NTN4: variants seen among roughly 807,000 people sequenced by gnomAD.
NTN4 encodes the protein netrin 4, also known as netrin-4.
In NTN4, 32 loss-of-function variants were observed where a neutral mutation model predicts 73.6. The observed-to-expected ratio is 0.44, with a 90% CI of 0.33 to 0.58. NTN4 has a LOEUF of 0.58. Among genes scored for constraint, NTN4 ranks in the 20% least tolerant of loss-of-function variants. The pLI, the probability that NTN4 is intolerant of heterozygous loss-of-function variation, is 0.04. For synonymous variants in NTN4, 258 were observed against 287.5 expected (o/e 0.90, Z 1.04); for missense variants, 654 against 798.3 (o/e 0.82, Z 2.18).
At chr12:95,737,229 C>T (rs1048661590) in intron 3 of NTN4, among the ~76,000 whole-genome samples, 1 of 152,162 alleles carries the variant, frequency 6.6e-6, no homozygotes, top group Non-Finnish European at 1.5e-5. Context: ...CAAACACCTA[C>T]TGAGCACCTA....
chr12:95,752,506 T>A (rs2078917095), intron 2 of NTN4, among the ~76,000 whole-genome samples: 1 of 151,660 alleles, frequency 6.6e-6, no homozygotes, highest in African/African-American at 2.4e-5. Flanking sequence ...GCTCAGCAAG[T>A]TACCTAGGCT....
intron 2 of NTN4, among the ~76,000 whole-genome samples, chr12:95,745,652 GT>G (rs1238608162): frequency 6.6e-6 from 1 of 152,014 alleles, no homozygotes; most frequent in African/African-American, 2.4e-5. Flanking sequence ...CTATTGATTT[GT>G]TTTTCTTTTT....
chr12:95,778,057 G>A (rs1038192265), intron 2 of NTN4, among the ~76,000 whole-genome samples: 2 of 152,160 alleles, frequency 1.3e-5, no homozygotes, highest in African/African-American at 4.8e-5. Flanking sequence ...GTTCCTGAAT[G>A]ACTACTGGGT....
rs77432992 is a variant in NTN4 at position 95,774,491 on chromosome 12, T to C, written c.585+12448A>G. Among the ~76,000 whole-genome samples, 700 of 152,350 alleles carry C rather than the reference T, an allele frequency of 4.6e-3. 8 individuals carry two copies. Among genetic ancestry groups the C allele is most frequent in the African/African-American group, 0.016 (664 of 41,570 alleles). On this transcript the variant is annotated intron_variant, in intron 2 of 9. Coordinates refer to ENST00000343702, the MANE Select transcript of NTN4 (RefSeq NM_021229.4). ...ACTACTGCTACTGTGGAGATAGGCA[T>C]GAACAGATTTCGCCAGTTGAAGACT...
chr12:95,715,809 T>G (rs533794465), intron 3 of NTN4, among the ~76,000 whole-genome samples: 1 of 152,254 alleles, frequency 6.6e-6, no homozygotes, highest in Admixed American at 6.5e-5. Context: ...TCTCTCATCA[T>G]GAAAAAATAT....
chr12:95,711,356 T>C (rs1592679394), intron 4 of NTN4, among the ~76,000 whole-genome samples: 1 of 152,354 alleles, frequency 6.6e-6, no homozygotes, highest in South Asian at 2.1e-4. Context: ...ACCAGTTTTT[T>C]ACCCTCTCTT....
At chr12:95,673,244 C>T (rs2078247999) in intron 7 of NTN4, 1 of 390,468 alleles carries the variant, frequency 2.6e-6, no homozygotes, top group South Asian at 2.1e-5. Flanking sequence ...CCTGCACCCA[C>T]TCCCTTCATT....
chr12:95,695,770 G>A (rs1255241709), intron 5 of NTN4, among the ~76,000 whole-genome samples: 1 of 151,962 alleles, frequency 6.6e-6, no homozygotes, highest in Non-Finnish European at 1.5e-5. Context: ...TTATTCCTGG[G>A]TATATCTAAG....
intron 7 of NTN4, among the ~76,000 whole-genome samples, chr12:95,678,426 A>G (rs965930718): frequency 2.0e-5 from 3 of 152,220 alleles, no homozygotes; most frequent in East Asian, 1.9e-4. Context: ...AGATTACAGG[A>G]GGAAAACCAT....
intron 4 of NTN4, among the ~76,000 whole-genome samples, chr12:95,711,114 G>A (rs895409868): frequency 5.9e-5 from 9 of 151,970 alleles, no homozygotes; most frequent in Admixed American, 2.0e-4. Flanking sequence ...ATCTAGCCTC[G>A]GCCTCCCCAT....
At position 95,737,929 on chromosome 12, in the gene NTN4, G is replaced by A. The variant is rs777813478; in HGVS notation, c.801C>T (p.His267=). 4.3e-5 allele frequency: 70 copies of A among 1,613,988 alleles called. No individual in the cohort carries two copies. Among genetic ancestry groups the A allele is most frequent in the South Asian group, 1.1e-4 (10 of 91,080 alleles). The part of the protein sequence containing the change: ...IVKGSCFCNG[H]ADQCIPVHGF... ...CATGAACAGGTATGCATTGATCAGC[G>A]TGGCCATTGCAGAAGCAGCTGCCCT... Residue 267 remains histidine, a synonymous_variant, in exon 3 of 10, where the codon CAC becomes CAT. Coordinates refer to ENST00000343702, the MANE Select transcript of NTN4 (RefSeq NM_021229.4).
At chr12:95,676,024 C>A (rs1279736772) in intron 7 of NTN4, among the ~76,000 whole-genome samples, 1 of 152,158 alleles carries the variant, frequency 6.6e-6, no homozygotes, top group Non-Finnish European at 1.5e-5. Context: ...GAAATGAATC[C>A]AAGTTGCCCT....
At chr12:95,769,751 C>CTTTTTTTTTTTTTTTTTTTTTTTTTTTTT in intron 2 of NTN4, among the ~76,000 whole-genome samples, 1 of 117,120 alleles carries the variant, frequency 8.5e-6, no homozygotes, top group Non-Finnish European at 1.7e-5. Flanking sequence ...AGGTTTCAAT[C>CTTTTTTTTTTTTTTTTTTTTTTTTTTTTT]TTTTTTTTTT....
At chr12:95,784,151 T>C (rs534004437) in intron 2 of NTN4, among the ~76,000 whole-genome samples, 1 of 152,364 alleles carries the variant, frequency 6.6e-6, no homozygotes, top group African/African-American at 2.4e-5. Context: ...TTGACTAGCT[T>C]CTTTTTCTGA....
chr12:95,670,169 G>C, intron 7 of NTN4, 23 bp from the exon 8 acceptor site: 2 of 1,439,990 alleles, frequency 1.4e-6, no homozygotes, highest in Non-Finnish European at 1.9e-6. Context: ...AATTAAAAAT[G>C]GTGTTAGTTA....
intron 2 of NTN4, among the ~76,000 whole-genome samples, chr12:95,771,059 G>T (rs2121271587): frequency 6.7e-6 from 1 of 148,426 alleles, no homozygotes; most frequent in South Asian, 2.1e-4. Flanking sequence ...GCGCGATCTC[G>T]GCTCACTGCA....
At chr12:95,739,065 A>C (rs1401168819) in intron 2 of NTN4, among the ~76,000 whole-genome samples, 1 of 152,188 alleles carries the variant, frequency 6.6e-6, no homozygotes, top group Admixed American at 6.5e-5. Flanking sequence ...GTGATTTACT[A>C]TCTTCCCAGT....
intron 4 of NTN4, among the ~76,000 whole-genome samples, chr12:95,712,074 T>C (rs865972053): frequency 1.1e-4 from 16 of 152,240 alleles, no homozygotes; most frequent in Non-Finnish European, 1.5e-4. Context: ...AAGAGACTTC[T>C]CACAGTTTTA....
intron 2 of NTN4, among the ~76,000 whole-genome samples, chr12:95,745,880 C>G (rs897407978): frequency 2.0e-5 from 3 of 152,190 alleles, no homozygotes; most frequent in Non-Finnish European, 4.4e-5. Flanking sequence ...TTCTGCCCCT[C>G]TACTGAGGTG....
Sources: gnomAD v4.1 joint callset for allele counts (sites outside exome capture counted in the v4.1 genomes callset) on GRCh38, gnomAD v4.1.1 for gene constraint, MANE v1.5 for transcripts, NCBI Gene and HGNC (gene_info 2026-07-23, HGNC 2026-07-21) for gene names.